RNF125: variants seen among roughly 807,000 people sequenced by gnomAD.
RNF125 encodes E3 ubiquitin-protein ligase RNF125.
RNF125 carries 21 observed loss-of-function variants against 26.0 expected under a neutral mutation model. The ratio of observed to expected loss-of-function variants is 0.81; its 90% CI spans 0.57 to 1.16. RNF125 has a LOEUF of 1.16. RNF125 is among the 50% of genes most tolerant of loss of function. The pLI is 0.00. For missense variants in RNF125, 270 were observed against 299.4 expected (o/e 0.90, Z 0.72); for synonymous variants, 95 against 109.2 (o/e 0.87, Z 0.81).
At chr18:32,030,232 AG>A (rs1234844538) in intron 1 of RNF125, among the ~76,000 whole-genome samples, 1 of 151,906 alleles carries the variant, frequency 6.6e-6, no homozygotes. Context: ...TAGTAGAGAC[AG>A]GGTTTCACCA....
intron 4 of RNF125, among the ~76,000 whole-genome samples, chr18:32,063,558 A>T (rs1047724533): frequency 1.3e-5 from 2 of 152,330 alleles, no homozygotes; most frequent in Non-Finnish European, 2.9e-5. Context: ...TAACCAGGCA[A>T]TCACACTCCT....
chr18:32,042,536 A>G (rs1015930910), intron 3 of RNF125, among the ~76,000 whole-genome samples: 1 of 152,174 alleles, frequency 6.6e-6, no homozygotes, highest in African/African-American at 2.4e-5. Context: ...TTGTGTTAAC[A>G]CAGATCCAAA....
At chr18:32,081,703 C>T in the RNF125 span, among the ~76,000 whole-genome samples, 1 of 152,088 alleles carries the variant, frequency 6.6e-6, no homozygotes, top group African/African-American at 2.4e-5. Context: ...TACAATTCAA[C>T]CTATAAAATC....
chr18:32,055,846 G>T (rs936120207), intron 4 of RNF125, among the ~76,000 whole-genome samples: 18 of 151,864 alleles, frequency 1.2e-4, no homozygotes, highest in Admixed American at 8.5e-4. Flanking sequence ...GGGTGTGGTG[G>T]CGCATGCCTG....
chr18:32,050,865 C>CCTTTTTTTTT (rs1491509832), intron 4 of RNF125, among the ~76,000 whole-genome samples: 1 of 46,328 alleles, frequency 2.2e-5, no homozygotes, highest in Non-Finnish European at 3.9e-5. Context: ...GTCTAGAGTG[C>CCTTTTTTTTT]TTTTTTTTTT....
chr18:32,063,955 G>A (rs910184753), intron 4 of RNF125, among the ~76,000 whole-genome samples: 2 of 151,504 alleles, frequency 1.3e-5, no homozygotes, highest in African/African-American at 4.8e-5. Context: ...TGCAGTGACA[G>A]AATGGTCTGT....
chr18:32,040,549 C>T (rs567468319), intron 2 of RNF125, among the ~76,000 whole-genome samples: 1 of 152,238 alleles, frequency 6.6e-6, no homozygotes, highest in South Asian at 2.1e-4. Context: ...GAATTACAGG[C>T]GTGAGCTACC....
intron 4 of RNF125, among the ~76,000 whole-genome samples, chr18:32,053,761 C>A (rs542825132): frequency 1.3e-5 from 2 of 148,406 alleles, no homozygotes; most frequent in African/African-American, 5.3e-5. Flanking sequence ...GGAGTAAAAC[C>A]CTGTCTTAAA....
At chr18:32,066,908 G>A (rs899651033) in intron 5 of RNF125, among the ~76,000 whole-genome samples, 1 of 152,150 alleles carries the variant, frequency 6.6e-6, no homozygotes, top group African/African-American at 2.4e-5. Flanking sequence ...ATGGCACACA[G>A]GCCTCAACAG....
At chr18:32,067,959 C>A (rs2039499651) in intron 5 of RNF125, among the ~76,000 whole-genome samples, 1 of 152,226 alleles carries the variant, frequency 6.6e-6, no homozygotes, top group South Asian at 2.1e-4. Context: ...GGAGCCTGAA[C>A]TTTGCTCCAT....
chr18:32,061,512 A>C (rs1006916429), intron 4 of RNF125, among the ~76,000 whole-genome samples: 16 of 151,922 alleles, frequency 1.1e-4, no homozygotes, highest in Non-Finnish European at 1.9e-4. Flanking sequence ...CTCATCCCCT[A>C]CCACTTCCCC....
At chr18:32,085,216 A>G in the RNF125 span, among the ~76,000 whole-genome samples, 865 of 152,288 alleles carry the variant, frequency 5.7e-3, 9 homozygotes, top group African/African-American at 0.02. Flanking sequence ...GAAACTAATT[A>G]CAAAGACATT....
Position 32,071,870 on chromosome 18 carries a change from A to C in RNF125, c.*3486A>C, listed in dbSNP as rs1253775836. ...TTAGTTCCACAACCTCTCTTTCTTCAATTTAGATGGATCATACAATAAAGC... is the reference window on the plus strand; with the variant it reads ...TTAGTTCCACAACCTCTCTTTCTTCCATTTAGATGGATCATACAATAAAGC... On this transcript the variant is annotated 3_prime_UTR_variant, in exon 6 of 6. Transcript: ENST00000217740. The C allele has an allele frequency of 6.6e-6, 1 of 152,130 alleles. No individual in the cohort carries two copies. Among genetic ancestry groups the C allele is most frequent in the African/African-American group, 2.4e-5 (1 of 41,410 alleles). 9.4% of individuals were successfully genotyped at this position (152,130 alleles called of 1,614,324 possible). A position where few individuals can be genotyped will look rare whatever the true frequency, so the allele number is the denominator to read the frequency against.
At chr18:32,081,214 CA>C in the RNF125 span, among the ~76,000 whole-genome samples, 3 of 140,852 alleles carry the variant, frequency 2.1e-5, no homozygotes, top group Non-Finnish European at 3.1e-5. Flanking sequence ...AAAAAAAGGT[CA>C]GAATGGTAAA....
chr18:32,059,322 G>C (rs111930577), intron 4 of RNF125, among the ~76,000 whole-genome samples: 2,139 of 152,172 alleles, frequency 0.014, 22 homozygotes, highest in Non-Finnish European at 0.023. Context: ...TTTTACCTGC[G>C]GTGAGATGAT....
Position 32,050,508 on chromosome 18 carries a change from T to G in RNF125, c.504+4776T>G, listed in dbSNP as rs552597696. On this transcript the variant is annotated intron_variant, in intron 4 of 5. Coordinates refer to ENST00000217740, the MANE Select transcript of RNF125 (RefSeq NM_017831.4). ...AATTCTTTAATTATTATTTTTTTATTTTTTATTTTTGGTAAAGATGAGATC... is the reference window on the plus strand; with the variant it reads ...AATTCTTTAATTATTATTTTTTTATGTTTTATTTTTGGTAAAGATGAGATC... Among the ~76,000 whole-genome samples the G allele has an allele frequency of 1.5e-3, 228 of 152,212 alleles. 1 individual carries two copies. The highest frequency in any genetic ancestry group is 5.3e-3 in the African/African-American group (220 of 41,536).
intron 4 of RNF125, among the ~76,000 whole-genome samples, chr18:32,052,373 G>A (rs1454552486): frequency 6.6e-6 from 1 of 151,554 alleles, no homozygotes; most frequent in Non-Finnish European, 1.5e-5. Flanking sequence ...CGCGTCTGTA[G>A]TCCCGGCTGC....
intron 1 of RNF125, among the ~76,000 whole-genome samples, chr18:32,032,124 T>G (rs1355145428): frequency 2.6e-5 from 4 of 152,180 alleles, no homozygotes; most frequent in African/African-American, 9.7e-5. Flanking sequence ...TCACCCAGGC[T>G]GGAGTGCAGT....
At position 32,027,338 on chromosome 18, in the gene RNF125, T is replaced by C. The variant is rs771128216; in HGVS notation, c.164+8311T>C. On this transcript the variant is annotated intron_variant, in intron 1 of 5. Transcript: ENST00000217740. ...ATCTGATTTCTACTTTTCAAAAATC[T>C]TGCCGAGGGAGTTTCTAAACCTGTA... Among the ~76,000 whole-genome samples, 22 of 152,256 alleles carry C rather than the reference T, an allele frequency of 1.4e-4. 1 individual carries two copies. Among genetic ancestry groups the C allele is most frequent in the Non-Finnish European group, 2.4e-4 (16 of 68,016 alleles).
Sources: gnomAD v4.1 joint callset for allele counts (sites outside exome capture counted in the v4.1 genomes callset) on GRCh38, gnomAD v4.1.1 for gene constraint, MANE v1.5 for transcripts, NCBI Gene and HGNC (gene_info 2026-07-23, HGNC 2026-07-21) for gene names.